The following XXYLT1 variants were observed in gnomAD, a reference collection of about 807,000 sequenced individuals.
The protein encoded by XXYLT1 is UDP-xylose:alpha-xyloside alpha-1,3-xylosyltransferase.
In XXYLT1, 20 loss-of-function variants were observed where a neutral mutation model predicts 28.9. The observed-to-expected ratio is 0.69, with a 90% CI of 0.49 to 1.00. The LOEUF (loss-of-function observed/expected upper bound fraction) is 1.00, where lower values mean the gene tolerates loss of function less well. Ranked by LOEUF, XXYLT1 falls within the 50% of genes least tolerant of loss-of-function variation. XXYLT1 has a pLI of 0.00. For missense variants in XXYLT1, 542 were observed against 560.1 expected, an observed-to-expected ratio of 0.97 and a Z score of 0.33; for synonymous variants, 257 against 253.8, an observed-to-expected ratio of 1.01 and a Z score of -0.12.
At chr3:195,122,874 C>A (rs150926953) in intron 3 of XXYLT1, among the ~76,000 whole-genome samples, 14 of 152,182 alleles carry the variant, frequency 9.2e-5, no homozygotes, top group Admixed American at 9.2e-4. Context: ...AAGAAGGACA[C>A]TGAGCCCTCT....
chr3:195,243,367 AAAAG>A (rs1724868230), intron 1 of XXYLT1, among the ~76,000 whole-genome samples: 2 of 152,118 alleles, frequency 1.3e-5, no homozygotes, highest in South Asian at 4.2e-4. Context: ...AATAAAAAAA[AAAAG>A]AGATGGTTCG....
At chr3:195,183,832 C>G (rs1398580237) in intron 2 of XXYLT1, among the ~76,000 whole-genome samples, 2 of 152,152 alleles carry the variant, frequency 1.3e-5, no homozygotes, top group Non-Finnish European at 2.9e-5. Flanking sequence ...CAGTCCAAGA[C>G]TAGAAGGGAA....
At chr3:195,114,670 G>A (rs1026950032) in intron 3 of XXYLT1, among the ~76,000 whole-genome samples, 1 of 152,198 alleles carries the variant, frequency 6.6e-6, no homozygotes, top group African/African-American at 2.4e-5. Flanking sequence ...AAATCCTAAT[G>A]ACCCAAATGA....
At position 195,107,743 on chromosome 3, in the gene XXYLT1, C is replaced by A. The variant is rs561340423; in HGVS notation, c.786-37632G>T. On this transcript the variant is annotated intron_variant, in intron 3 of 3. Coordinates refer to ENST00000310380, the MANE Select transcript of XXYLT1 (RefSeq NM_152531.5). ...AGTATTCTCCGCACTGTGACCCCGT[C>A]CTCCCTGCGCTTCTGGCGGGGATCC... is the stretch of plus-strand genomic sequence containing the variant. Among the ~76,000 whole-genome samples, 192 of 151,534 alleles carry A rather than the reference C, an allele frequency of 1.3e-3. 1 individual carries two copies. Among genetic ancestry groups the A allele is most frequent in the Middle Eastern group, 3.5e-3 (1 of 288 alleles).
intron 2 of XXYLT1, among the ~76,000 whole-genome samples, chr3:195,194,152 A>G (rs1343730516): frequency 6.6e-6 from 1 of 151,800 alleles, no homozygotes; most frequent in Non-Finnish European, 1.5e-5. Context: ...TGTAAATCGT[A>G]TATCTTATAA....
In XXYLT1 at chr3:195,069,562, A is replaced by G. The variant is rs1438293630; in HGVS notation, c.*153T>C. 1 of 1,176,578 alleles carries G rather than the reference A, an allele frequency of 8.5e-7. No homozygotes were observed. The allele number at this position is 1,176,578 out of a possible 1,614,324, so 72.9% of individuals were successfully genotyped here. ...AGTCCTTGGCGGGTGGCCTCAGCAC[A>G]GTGACCTGCCCGGCAGGAGGTCTCA... On this transcript the variant is annotated 3_prime_UTR_variant, in exon 4 of 4. Transcript: ENST00000310380.
At chr3:195,112,554 G>C (rs533089039) in intron 3 of XXYLT1, among the ~76,000 whole-genome samples, 5 of 144,256 alleles carry the variant, frequency 3.5e-5, no homozygotes, top group East Asian at 4.2e-4. Context: ...GGTGGGAACA[G>C]CTAGATGAAG....
At chr3:195,166,576 C>T (rs1265988813) in intron 2 of XXYLT1, among the ~76,000 whole-genome samples, 1 of 152,190 alleles carries the variant, frequency 6.6e-6, no homozygotes, top group African/African-American at 2.4e-5. Flanking sequence ...TTCCTGGCCC[C>T]GGATTGCATG....
intron 3 of XXYLT1, among the ~76,000 whole-genome samples, chr3:195,086,382 C>T (rs1269928654): frequency 6.6e-6 from 1 of 152,212 alleles, no homozygotes; most frequent in African/African-American, 2.4e-5. Context: ...GGCGTCTCGG[C>T]CGCTCCCCTA....
chr3:195,071,225 G>T (rs549100454), intron 3 of XXYLT1, among the ~76,000 whole-genome samples: 1 of 152,174 alleles, frequency 6.6e-6, no homozygotes, highest in Non-Finnish European at 1.5e-5. Flanking sequence ...GGGTCCTCAC[G>T]GGGAGGACAC....
At chr3:195,232,871 T>C (rs1724360178) in intron 1 of XXYLT1, among the ~76,000 whole-genome samples, 1 of 152,244 alleles carries the variant, frequency 6.6e-6, no homozygotes, top group Non-Finnish European at 1.5e-5. Flanking sequence ...GAATGAAATG[T>C]TCTGTAAGTA....
intron 1 of XXYLT1, among the ~76,000 whole-genome samples, chr3:195,252,141 A>G (rs765018372): frequency 5.3e-5 from 8 of 152,268 alleles, no homozygotes; most frequent in Non-Finnish European, 8.8e-5. Context: ...GACTGTTTAC[A>G]TAACTGCTGA....
chr3:195,080,478 CCAGCTGGGCAGCCAGGCCCCAGCT>C (rs1209070318), intron 3 of XXYLT1, among the ~76,000 whole-genome samples: 5 of 152,032 alleles, frequency 3.3e-5, no homozygotes, highest in Admixed American at 2.6e-4. Flanking sequence ...TGCACCTGGC[CCAGCTGGGCAGCCAGGCCCCAGCT>C]CAGCTCCACA....
At chr3:195,144,965 C>T (rs79259450) in intron 3 of XXYLT1, among the ~76,000 whole-genome samples, 16,514 of 151,816 alleles carry the variant, frequency 0.11, 1,251 homozygotes, top group East Asian at 0.29. Context: ...TATGATTCAC[C>T]CTTATGTCTC....
chr3:195,076,722 GCTT>G lies in XXYLT1; in HGVS notation c.786-6614_786-6612del, dbSNP rs1184122040. On this transcript the variant is annotated intron_variant, in intron 3 of 3. Transcript: ENST00000310380. The surrounding 1 kb of genome is among the most constrained non-coding windows in gnomAD (Gnocchi z 5.3). ...CCAGGCGCTCCCCTCGCTCCTGGTGGCTTGCTGGCAGTCTGGGATCCTGGGAGA... is the reference window on the plus strand; with the variant it reads ...CCAGGCGCTCCCCTCGCTCCTGGTGGGCTGGCAGTCTGGGATCCTGGGAGA... Among the ~76,000 whole-genome samples the G allele has an allele frequency of 2.6e-5, 4 of 152,168 alleles. No individual in the cohort carries two copies. The highest frequency in any genetic ancestry group is 5.9e-5 in the Non-Finnish European group (4 of 68,036).
At chr3:195,126,301 C>A (rs955388096) in intron 3 of XXYLT1, among the ~76,000 whole-genome samples, 1 of 152,196 alleles carries the variant, frequency 6.6e-6, no homozygotes, top group Non-Finnish European at 1.5e-5. Context: ...TATTCGTTAC[C>A]GCACCTGACC....
At position 195,150,790 on chromosome 3, in the gene XXYLT1, A is replaced by C. The variant is rs943968262; in HGVS notation, c.785+5659T>G. Among the ~76,000 whole-genome samples the C allele has an allele frequency of 1.3e-5, 2 of 149,692 alleles. No individual in the cohort carries two copies. Among genetic ancestry groups the C allele is most frequent in the Admixed American group, 1.3e-4 (2 of 15,036 alleles). On this transcript the variant is annotated intron_variant, in intron 3 of 3. Transcript: ENST00000310380. This position sits in a 1 kb window ranked among gnomAD's most constrained non-coding sequence, Gnocchi z 4.7. ...CACATACGCACACACTCACACACAT[A>C]TGCACACTCTCACACACTCACATAC...
At chr3:195,196,111 C>T (rs528864178) in intron 2 of XXYLT1, among the ~76,000 whole-genome samples, 9 of 152,218 alleles carry the variant, frequency 5.9e-5, no homozygotes, top group Non-Finnish European at 1.0e-4. Flanking sequence ...CTGATGGAAA[C>T]GCTCCGCACC....
At chr3:195,111,538 C>T (rs1395158684) in intron 3 of XXYLT1, among the ~76,000 whole-genome samples, 1 of 152,062 alleles carries the variant, frequency 6.6e-6, no homozygotes, top group African/African-American at 2.4e-5. Context: ...GCTCCAGGGG[C>T]AGGTGTCTGA....
Sources: gnomAD v4.1 joint callset for allele counts (sites outside exome capture counted in the v4.1 genomes callset) on GRCh38, gnomAD v4.1.1 for gene constraint, Gnocchi (gnomAD v3.1) non-coding constraint, MANE v1.5 for transcripts, NCBI Gene and HGNC (gene_info 2026-07-23, HGNC 2026-07-21) for gene names.